The following CTNNA2 variants were observed in gnomAD, a reference collection of about 807,000 sequenced individuals.
The protein encoded by CTNNA2 is catenin alpha 2.
CTNNA2 carries 42 observed loss-of-function variants against 101.0 expected under a neutral mutation model. The ratio of observed to expected loss-of-function variants is 0.42; its 90% CI spans 0.32 to 0.54. The LOEUF (loss-of-function observed/expected upper bound fraction) is 0.54, where lower values mean the gene tolerates loss of function less well. CTNNA2 is among the 20% of genes least tolerant of loss of function. The probability of loss-of-function intolerance (pLI) is 0.14; values close to 1 mark genes in which losing one functional copy is unlikely to be tolerated. For synonymous variants in CTNNA2, 450 were observed against 456.4 expected, an observed-to-expected ratio of 0.99 and a Z score of 0.18; for missense variants, 871 against 1,223.1, an observed-to-expected ratio of 0.71 and a Z score of 4.29.
intron 18 of CTNNA2, among the ~76,000 whole-genome samples, chr2:80,644,693 T>C (rs562338618): frequency 1.3e-5 from 2 of 152,338 alleles, no homozygotes; most frequent in South Asian, 4.1e-4. Context: ...TTGTATTAAC[T>C]TTAAATTGGG....
intron 1 of CTNNA2, among the ~76,000 whole-genome samples, chr2:79,622,391 T>C (rs993825962): frequency 6.6e-6 from 1 of 152,220 alleles, no homozygotes; most frequent in African/African-American, 2.4e-5. Context: ...GATAAGGAAC[T>C]TAACTTCTTG....
At chr2:79,337,078 T>C (rs553448311) in intron 3 of CTNNA2, among the ~76,000 whole-genome samples, 5 of 152,332 alleles carry the variant, frequency 3.3e-5, no homozygotes, top group African/African-American at 1.2e-4. Flanking sequence ...ATCTTACTTG[T>C]ACCAAGAACA....
intron 7 of CTNNA2, among the ~76,000 whole-genome samples, chr2:80,381,668 G>C (rs1449817861): frequency 6.6e-6 from 1 of 152,198 alleles, no homozygotes; most frequent in African/African-American, 2.4e-5. Flanking sequence ...AGGATGCAAA[G>C]AGTCCTTGGT....
intron 7 of CTNNA2, among the ~76,000 whole-genome samples, chr2:80,366,684 G>A (rs1319935949): frequency 2.0e-5 from 3 of 152,074 alleles, no homozygotes; most frequent in Admixed American, 1.3e-4. Flanking sequence ...TTCTTCCTCC[G>A]CTGCTGTTGT....
chr2:80,363,197 TG>T (rs1361841699), intron 7 of CTNNA2, among the ~76,000 whole-genome samples: 1 of 151,954 alleles, frequency 6.6e-6, no homozygotes, highest in Non-Finnish European at 1.5e-5. Flanking sequence ...TTAGATATGG[TG>T]GAAAACAAGC....
At chr2:79,764,241 G>A (rs1672987293) in intron 3 of CTNNA2, among the ~76,000 whole-genome samples, 1 of 152,032 alleles carries the variant, frequency 6.6e-6, no homozygotes, top group African/African-American at 2.4e-5. Context: ...ATTTAATAAG[G>A]ACATTTTCAT....
intron 3 of CTNNA2, among the ~76,000 whole-genome samples, chr2:79,852,204 A>G (rs1680771245): frequency 6.6e-6 from 1 of 152,188 alleles, no homozygotes; most frequent in East Asian, 1.9e-4. Context: ...CTGGTTAAAA[A>G]CATATGCATA....
intron 1 of CTNNA2, chr2:79,547,770 C>T (rs1490668251): frequency 6.6e-6 from 1 of 152,574 alleles, no homozygotes; most frequent in African/African-American, 2.4e-5. Context: ...GAAACTACCA[C>T]ATGGAAAATA....
At chr2:80,545,811 C>T (rs994226792) in intron 10 of CTNNA2, 96 bp from the exon 11 acceptor site, 32 of 1,215,488 alleles carry the variant, frequency 2.6e-5, no homozygotes, top group Middle Eastern at 2.3e-4. Flanking sequence ...ATCTGTAGAA[C>T]GTACAGGGTG....
At chr2:80,233,623 G>A (rs1256464457) in intron 7 of CTNNA2, among the ~76,000 whole-genome samples, 1 of 152,110 alleles carries the variant, frequency 6.6e-6, no homozygotes, top group Non-Finnish European at 1.5e-5. Flanking sequence ...ATATTGACAT[G>A]GATTTGAGGT....
intron 1 of CTNNA2, among the ~76,000 whole-genome samples, chr2:79,539,241 G>A (rs1343376381): frequency 6.6e-6 from 1 of 152,162 alleles, no homozygotes; most frequent in East Asian, 1.9e-4. Flanking sequence ...GCAAATGGCA[G>A]GAAGTAGCCT....
chr2:79,737,344 G>A (rs113000360), intron 2 of CTNNA2, among the ~76,000 whole-genome samples: 4 of 139,058 alleles, frequency 2.9e-5, no homozygotes, highest in Admixed American at 7.3e-5. Context: ...GTGAGACTCC[G>A]TCTCAAAAAA....
chr2:79,755,368 A>G (rs1173679726), intron 3 of CTNNA2, among the ~76,000 whole-genome samples: 1 of 152,136 alleles, frequency 6.6e-6, no homozygotes, highest in African/African-American at 2.4e-5. Flanking sequence ...TGTGTGCTAG[A>G]TCCAGCAAGG....
intron 1 of CTNNA2, among the ~76,000 whole-genome samples, chr2:79,639,886 A>T (rs900508963): frequency 6.6e-6 from 1 of 152,028 alleles, no homozygotes; most frequent in African/African-American, 2.4e-5. Context: ...TTCAGTAAAA[A>T]ATCTCCTTCC....
chr2:79,504,778 G>T (rs1671376914), intron 4 of CTNNA2, among the ~76,000 whole-genome samples: 1 of 152,250 alleles, frequency 6.6e-6, no homozygotes, highest in Non-Finnish European at 1.5e-5. Context: ...CTTTTTAGTT[G>T]TATTAAAATT....
At chr2:79,292,876 A>G (rs1276917857) in intron 2 of CTNNA2, 1 of 152,242 alleles carries the variant, frequency 6.6e-6, no homozygotes. Flanking sequence ...TCAGTATCAC[A>G]CTGGGCTGAA....
intron 2 of CTNNA2, among the ~76,000 whole-genome samples, chr2:79,656,256 A>C (rs1681607773): frequency 6.6e-6 from 1 of 152,210 alleles, no homozygotes; most frequent in African/African-American, 2.4e-5. Flanking sequence ...CTTATGAATA[A>C]GGAAGAAGAG....
chr2:79,603,003 T>G (rs1218055945), intron 1 of CTNNA2, among the ~76,000 whole-genome samples: 1 of 152,168 alleles, frequency 6.6e-6, no homozygotes, highest in Non-Finnish European at 1.5e-5. Flanking sequence ...TAGTCAAAAT[T>G]TACTTTTCTC....
chr2:79,579,649 T>A (rs1676025358), intron 1 of CTNNA2, among the ~76,000 whole-genome samples: 1 of 152,170 alleles, frequency 6.6e-6, no homozygotes, highest in Admixed American at 6.5e-5. Context: ...GAGTTCACTC[T>A]TGTTGCCCAG....
Sources: allele counts gnomAD v4.1 joint callset (sites outside exome capture counted in the v4.1 genomes callset), GRCh38; gene constraint gnomAD v4.1.1; transcripts MANE v1.5; gene names NCBI Gene and HGNC (gene_info 2026-07-23, HGNC 2026-07-21).